The following USH2A variants were observed in gnomAD, a reference collection of about 807,000 sequenced individuals.
USH2A encodes the protein Usher syndrome 2A (autosomal recessive, mild).
In USH2A, 443 loss-of-function variants were observed where a neutral mutation model predicts 538.9. That is an observed-to-expected ratio of 0.82 (90% CI 0.76 to 0.89). The LOEUF is 0.89. Among genes scored for constraint, USH2A ranks in the 40% least tolerant of loss-of-function variants. The pLI, the probability that USH2A is intolerant of heterozygous loss-of-function variation, is 0.00. For synonymous variants in USH2A, 2,413 were observed against 2,273.5 expected, an observed-to-expected ratio of 1.06 and a Z score of -1.75; for missense variants, 6,633 against 6,324.8, an observed-to-expected ratio of 1.05 and a Z score of -1.65.
At chr1:216,004,442 T>A (rs1668344035) in intron 32 of USH2A, among the ~76,000 whole-genome samples, 1 of 151,964 alleles carries the variant, frequency 6.6e-6, no homozygotes, top group East Asian at 1.9e-4. Context: ...TTTTTAAGAG[T>A]TAAAGGTGAA....
chr1:216,199,885 A>T lies in USH2A; in HGVS notation c.3553T>A (p.Ser1185Thr). 1 of 1,614,158 alleles carries T rather than the reference A, an allele frequency of 6.2e-7. No homozygotes were observed. Among genetic ancestry groups the T allele is most frequent in the Non-Finnish European group, 8.5e-7 (1 of 1,180,008 alleles). The change falls in exon 17 of 72, where the codon TCC becomes ACC. Residue 1185 changes from serine to threonine, a missense_variant. Coordinates refer to ENST00000307340, the MANE Select transcript of USH2A (RefSeq NM_206933.4). Reference sequence around the variant, plus strand: ...TGACCACCAGCCAAAGGGGCACAGGACAAAATATATTTCTCTATGGGACCA... The same window carrying T: ...TGACCACCAGCCAAAGGGGCACAGGTCAAAATATATTTCTCTATGGGACCA... The part of the protein sequence containing the change: ...QSGPIEKYIL[S>T]CAPLAGGQPC...
At chr1:215,630,690 TAAAA>T (rs1656254843) in intron 70 of USH2A, among the ~76,000 whole-genome samples, 1 of 150,898 alleles carries the variant, frequency 6.6e-6, no homozygotes, top group Non-Finnish European at 1.5e-5. Context: ...CCGTCTCTAC[TAAAA>T]ATACAAAAAT....
chr1:216,172,666 G>T (rs1405993873), intron 21 of USH2A, among the ~76,000 whole-genome samples: 1 of 151,826 alleles, frequency 6.6e-6, no homozygotes, highest in African/African-American at 2.4e-5. Context: ...GTAACACTCT[G>T]GGTTTAATTG....
In USH2A at chr1:216,217,449, C is replaced by T. The variant is rs762711963; in HGVS notation, c.3095G>A (p.Cys1032Tyr). 1 of 1,613,274 alleles carries T rather than the reference C, an allele frequency of 6.2e-7. No individual in the cohort carries two copies. Among genetic ancestry groups the T allele is most frequent in the Non-Finnish European group, 8.5e-7 (1 of 1,179,496 alleles). Residue 1032 changes from cysteine to tyrosine, a missense_variant, in exon 15 of 72, where the codon TGT becomes TAT. Physicochemically the swap from Cys to Tyr is radical, Grantham distance 194. Coordinates refer to ENST00000307340, the MANE Select transcript of USH2A (RefSeq NM_206933.4). ...FCKQFVTGSK[C>Y]DACVPSASHL... ...GCTTGCACTGGGAACACAAGCATCACACTTTGAGCCAGTGACAAATTGTTT... is the reference window on the plus strand; with the variant it reads ...GCTTGCACTGGGAACACAAGCATCATACTTTGAGCCAGTGACAAATTGTTT...
intron 13 of USH2A, among the ~76,000 whole-genome samples, chr1:216,246,020 T>TC (rs955597752): frequency 6.6e-6 from 1 of 152,190 alleles, no homozygotes; most frequent in African/African-American, 2.4e-5. Context: ...ATAGATGGGG[T>TC]CTATCCCTCT....
rs142762388 is a variant in USH2A at position 215,783,296 on chromosome 1, T to C, written c.10388-361A>G. ...TGAGACAGGTTTGGCAACATTCTTTTATAGTTTTAGTATCATAGAACTTAT... is the reference window on the plus strand; with the variant it reads ...TGAGACAGGTTTGGCAACATTCTTTCATAGTTTTAGTATCATAGAACTTAT... On this transcript the variant is annotated intron_variant, in intron 52 of 71. Transcript: ENST00000307340. Among the ~76,000 whole-genome samples, 4 of 152,324 alleles carry C rather than the reference T, an allele frequency of 2.6e-5. No homozygotes were observed. The East Asian group carries it at 5.8e-4, about 22-fold the overall frequency.
intron 49 of USH2A, among the ~76,000 whole-genome samples, chr1:215,810,695 T>C (rs958768903): frequency 1.3e-4 from 20 of 152,156 alleles, no homozygotes; most frequent in Admixed American, 6.5e-4. Context: ...ATATGAATCA[T>C]ACATGAAAAC....
chr1:216,146,098 A>G (rs1291578229), intron 21 of USH2A, among the ~76,000 whole-genome samples: 1 of 152,186 alleles, frequency 6.6e-6, no homozygotes, highest in Non-Finnish European at 1.5e-5. Context: ...TGGGAGATCA[A>G]TCCCCTGTCC....
chr1:215,795,124 A>G (rs934163088), intron 50 of USH2A, among the ~76,000 whole-genome samples: 11 of 152,160 alleles, frequency 7.2e-5, no homozygotes, highest in African/African-American at 2.7e-4. Flanking sequence ...CTGAGTGCTA[A>G]ATAATGTTCA....
At chr1:216,050,575 T>TCCTTTCCTTTC (rs369129617) in intron 30 of USH2A, among the ~76,000 whole-genome samples, 1 of 49,678 alleles carries the variant, frequency 2.0e-5, no homozygotes, top group Non-Finnish European at 4.1e-5. Context: ...TTTCTTTCTT[T>TCCTTTCCTTTC]CTTTCTTTCT....
chr1:216,357,278 A>C (rs938272110), intron 4 of USH2A, among the ~76,000 whole-genome samples: 6 of 152,138 alleles, frequency 3.9e-5, no homozygotes, highest in African/African-American at 1.2e-4. Context: ...CTATCTATAT[A>C]CTATATTCCT....
chr1:215,801,636 C>A (rs1662336020), intron 49 of USH2A, among the ~76,000 whole-genome samples: 1 of 151,966 alleles, frequency 6.6e-6, no homozygotes, highest in Non-Finnish European at 1.5e-5. Context: ...AAGAAGATAA[C>A]CAAATGGAAG....
intron 56 of USH2A, among the ~76,000 whole-genome samples, chr1:215,764,749 G>T (rs186444634): frequency 4.6e-5 from 7 of 152,186 alleles, no homozygotes; most frequent in African/African-American, 1.4e-4. Flanking sequence ...ATCTAAAGTG[G>T]TATACTTGTT....
Position 216,380,642 on chromosome 1 carries a change from A to T in USH2A, c.652-15557T>A, listed in dbSNP as rs139005381. Among the ~76,000 whole-genome samples the T allele has an allele frequency of 6.6e-5, 10 of 152,288 alleles. No homozygotes were observed. In the East Asian group the frequency reaches 1.9e-3, roughly 29 times the overall value. On this transcript the variant is annotated intron_variant, in intron 3 of 71. Coordinates refer to ENST00000307340, the MANE Select transcript of USH2A (RefSeq NM_206933.4). ...ATATGGGAGAAAAAACAGTACTGCT[A>T]GTTTAGTCACAGTTTTTCTAAAACT... is the stretch of plus-strand genomic sequence containing the variant.
intron 14 of USH2A, among the ~76,000 whole-genome samples, chr1:216,219,591 C>G (rs530383119): frequency 2.0e-5 from 3 of 152,022 alleles, no homozygotes; most frequent in African/African-American, 7.2e-5. Flanking sequence ...AAGGAAAAGA[C>G]ATTTTAAGCT....
intron 3 of USH2A, among the ~76,000 whole-genome samples, chr1:216,400,708 C>G (rs990033544): frequency 6.6e-6 from 1 of 152,066 alleles, no homozygotes; most frequent in Non-Finnish European, 1.5e-5. Context: ...TGATGTAAAA[C>G]TTATAAGTAA....
chr1:216,128,068 T>C (rs1008781127), intron 21 of USH2A, among the ~76,000 whole-genome samples: 1 of 152,124 alleles, frequency 6.6e-6, no homozygotes, highest in Admixed American at 6.6e-5. Context: ...CTGTATAGAA[T>C]CTGATGCACT....
chr1:215,912,168 T>C (rs1472982649), intron 38 of USH2A, among the ~76,000 whole-genome samples: 1 of 152,024 alleles, frequency 6.6e-6, no homozygotes, highest in Admixed American at 6.6e-5. Context: ...ACTTCGTTGA[T>C]TGCATCCTTT....
Position 216,397,695 on chromosome 1 carries a change from G to A in USH2A, c.651+20819C>T, listed in dbSNP as rs551881295. Among the ~76,000 whole-genome samples the A allele has an allele frequency of 3.3e-5, 5 of 152,326 alleles. No individual in the cohort carries two copies. The South Asian group carries it at 1.0e-3, about 32-fold the overall frequency. On this transcript the variant is annotated intron_variant, in intron 3 of 71. Coordinates refer to ENST00000307340, the MANE Select transcript of USH2A (RefSeq NM_206933.4). ...GAAACTTGCAGCAGTGGTCTCTGGG[G>A]GATCTGGGGGTTCTCAGGCTTTCAG...
Sources: gnomAD v4.1 joint callset for allele counts (sites outside exome capture counted in the v4.1 genomes callset) on GRCh38, gnomAD v4.1.1 for gene constraint, MANE v1.5 for transcripts, NCBI Gene and HGNC (gene_info 2026-07-23, HGNC 2026-07-21) for gene names.